The following PARD3 variants were observed in gnomAD, a reference collection of about 807,000 sequenced individuals.
PARD3 encodes the protein partitioning defective 3 homolog.
In PARD3, 75 loss-of-function variants were observed where a neutral mutation model predicts 155.4. The observed-to-expected ratio is 0.48, with a 90% CI of 0.40 to 0.58. The LOEUF (loss-of-function observed/expected upper bound fraction) is 0.58, where lower values mean the gene tolerates loss of function less well. PARD3 is among the 20% of genes least tolerant of loss of function. The probability of loss-of-function intolerance (pLI) is 0.00; values close to 1 mark genes in which losing one functional copy is unlikely to be tolerated. For synonymous variants in PARD3, 576 were observed against 610.5 expected, an observed-to-expected ratio of 0.94 and a Z score of 0.83; for missense variants, 1,642 against 1,721.7, an observed-to-expected ratio of 0.95 and a Z score of 0.82.
At chr10:34,225,352 T>C (rs914508962) in intron 22 of PARD3, among the ~76,000 whole-genome samples, 12 of 147,882 alleles carry the variant, frequency 8.1e-5, no homozygotes, top group Admixed American at 6.7e-5. Flanking sequence ...TTTTTCTCTT[T>C]TTTTTTTTTT....
chr10:34,157,178 C>T (rs943144219), intron 22 of PARD3, among the ~76,000 whole-genome samples: 3 of 152,176 alleles, frequency 2.0e-5, no homozygotes, highest in African/African-American at 4.8e-5. Flanking sequence ...AAGGGTGATG[C>T]GGGGGCAGAA....
chr10:34,702,294 T>C (rs2094293854), intron 1 of PARD3, among the ~76,000 whole-genome samples: 1 of 152,018 alleles, frequency 6.6e-6, no homozygotes, highest in South Asian at 2.1e-4. Context: ...AATTTCAGGC[T>C]GCAGTGAGCC....
At chr10:34,346,186 T>C (rs1159008974) in intron 15 of PARD3, 1 of 1,101,338 alleles carries the variant, frequency 9.1e-7, no homozygotes, top group African/African-American at 1.7e-5. Flanking sequence ...GAGGAAACAA[T>C]GTCAACTATA....
intron 22 of PARD3, among the ~76,000 whole-genome samples, chr10:34,167,435 T>C (rs1949585737): frequency 6.6e-6 from 1 of 152,006 alleles, no homozygotes; most frequent in African/African-American, 2.4e-5. Flanking sequence ...GGAACAGCAC[T>C]GCGTGGTTTT....
chr10:34,719,727 C>A (rs58031324), intron 1 of PARD3, among the ~76,000 whole-genome samples: 1 of 152,156 alleles, frequency 6.6e-6, no homozygotes, highest in Non-Finnish European at 1.5e-5. Context: ...GAGATTTGGG[C>A]AATGAATTTA....
intron 9 of PARD3, among the ~76,000 whole-genome samples, chr10:34,381,912 C>CAAAAA (rs202053812): frequency 2.1e-3 from 152 of 71,794 alleles, no homozygotes; most frequent in East Asian, 7.2e-3. Flanking sequence ...GGCCCTGTCT[C>CAAAAA]AAAAAAAAAA....
intron 20 of PARD3, among the ~76,000 whole-genome samples, chr10:34,298,103 T>C (rs748482410): frequency 1.3e-5 from 2 of 152,332 alleles, no homozygotes; most frequent in Non-Finnish European, 2.9e-5. Context: ...AGATTTATTG[T>C]GAAGATGAAA....
chr10:34,756,751 T>TCAAAGC (rs1430381823), intron 1 of PARD3, among the ~76,000 whole-genome samples: 1 of 152,114 alleles, frequency 6.6e-6, no homozygotes, highest in Non-Finnish European at 1.5e-5. Context: ...CTACACATAA[T>TCAAAGC]CAAAGCCATT....
chr10:34,451,623 G>A (rs957230489), intron 4 of PARD3, among the ~76,000 whole-genome samples: 1 of 152,112 alleles, frequency 6.6e-6, no homozygotes, highest in Non-Finnish European at 1.5e-5. Context: ...TTGGGTTTAT[G>A]TAAATATTGG....
intron 9 of PARD3, 55 bp downstream of exon 9, chr10:34,382,485 G>C (rs1841957407): frequency 1.3e-6 from 2 of 1,552,644 alleles, no homozygotes; most frequent in East Asian, 4.5e-5. Context: ...TTCTACCCTT[G>C]TGTGTTGCTG....
rs181160634 is a variant in PARD3 at position 34,214,855 on chromosome 10, C to T, written c.3419+54802G>A. Among the ~76,000 whole-genome samples the T allele has an allele frequency of 3.3e-5, 5 of 152,084 alleles. No homozygotes were observed. In the East Asian group the frequency reaches 9.7e-4, roughly 29 times the overall value. On this transcript the variant is annotated intron_variant, in intron 22 of 24. Coordinates refer to ENST00000374788, the MANE Select transcript of PARD3 (RefSeq NM_001184785.2). The stretch of plus-strand genomic sequence containing the variant: ...AAAGAAAGACTATGAGAGGAATTCT[C>T]AGTACTTCGAAGAGTCTAGGCCCCT...
At chr10:34,243,444 G>A (rs1019320013) in intron 22 of PARD3, among the ~76,000 whole-genome samples, 9 of 152,170 alleles carry the variant, frequency 5.9e-5, no homozygotes, top group Non-Finnish European at 8.8e-5. Context: ...ACTCCGAGAT[G>A]TTGTCCAATA....
At chr10:34,795,275 C>T (rs1402200567) in intron 1 of PARD3, among the ~76,000 whole-genome samples, 3 of 152,162 alleles carry the variant, frequency 2.0e-5, no homozygotes, top group African/African-American at 2.4e-5. Context: ...AAAATCACGG[C>T]AGGTCCGGAG....
intron 22 of PARD3, among the ~76,000 whole-genome samples, chr10:34,168,630 C>T (rs529813177): frequency 2.6e-5 from 4 of 152,178 alleles, no homozygotes; most frequent in Non-Finnish European, 4.4e-5. Flanking sequence ...GCCCTCCCCG[C>T]GAAGGATTCA....
chr10:34,791,559 G>A (rs937979302), intron 1 of PARD3, among the ~76,000 whole-genome samples: 22 of 152,170 alleles, frequency 1.4e-4, no homozygotes, highest in African/African-American at 5.1e-4. Flanking sequence ...GAAGGACAGT[G>A]AAAGAGCCAG....
chr10:34,701,261 A>G (rs1037459802), intron 1 of PARD3, among the ~76,000 whole-genome samples: 3 of 152,048 alleles, frequency 2.0e-5, no homozygotes, highest in African/African-American at 7.3e-5. Flanking sequence ...AAGGGTAAAA[A>G]CATCATATCA....
At position 34,470,277 on chromosome 10, in the gene PARD3, A is replaced by T; in HGVS notation, c.404-14T>A. On this transcript the variant is annotated splice_polypyrimidine_tract_variant and intron_variant, in intron 3 of 24. Transcript: ENST00000374788. ...GAAGAGGCATATCTGTAAACACAAA[A>T]GCACTATGCTGAAAAATAAGATACT... 1 of 1,545,646 alleles carries T rather than the reference A, an allele frequency of 6.5e-7. No homozygotes were observed. The highest frequency in any genetic ancestry group is 8.8e-7 in the Non-Finnish European group (1 of 1,142,828).
intron 1 of PARD3, among the ~76,000 whole-genome samples, chr10:34,797,861 TA>T (rs1374038145): frequency 6.6e-6 from 1 of 152,164 alleles, no homozygotes; most frequent in Admixed American, 6.5e-5. Context: ...AGCTAAAACC[TA>T]AGGATGACCT....
chr10:34,568,865 T>TGAAA (rs2086166726), intron 2 of PARD3, among the ~76,000 whole-genome samples: 1 of 152,192 alleles, frequency 6.6e-6, no homozygotes, highest in African/African-American at 2.4e-5. Context: ...ATACTGAATA[T>TGAAA]GAAACACTTC....
Sources: allele counts gnomAD v4.1 joint callset (sites outside exome capture counted in the v4.1 genomes callset), GRCh38; gene constraint gnomAD v4.1.1; transcripts MANE v1.5; gene names NCBI Gene and HGNC (gene_info 2026-07-23, HGNC 2026-07-21).